The following SLC25A12 variants were observed in gnomAD, a reference collection of about 807,000 sequenced individuals.
The protein encoded by SLC25A12 is electrogenic aspartate/glutamate antiporter SLC25A12, mitochondrial.
SLC25A12 carries 32 observed loss-of-function variants against 83.3 expected under a neutral mutation model. The ratio of observed to expected loss-of-function variants is 0.38; its 90% CI spans 0.29 to 0.52. The LOEUF is 0.52. SLC25A12 is among the 20% of genes least tolerant of loss of function. SLC25A12 has a pLI of 0.84. For missense variants in SLC25A12, 611 were observed against 835.6 expected (o/e 0.73, Z 3.31); for synonymous variants, 267 against 291.1 (o/e 0.92, Z 0.84).
rs796788409 is a variant in SLC25A12, at chr2:171,824,316, A to C, written c.930+2482T>G. 2.6e-5 allele frequency among the ~76,000 whole-genome samples: 4 copies of C among 152,250 alleles called. No individual in the cohort carries two copies. In the East Asian group the frequency reaches 7.7e-4, roughly 29 times the overall value. On this transcript the variant is annotated intron_variant, in intron 9 of 17. Transcript: ENST00000422440. ...AAGGATGAAGAAATGTGAAGGATGC[A>C]GACTCAGGGTGCCAAAGATTGCAAA... is the stretch of plus-strand genomic sequence containing the variant.
chr2:171,809,924 G>A (rs1197419646), intron 12 of SLC25A12, among the ~76,000 whole-genome samples: 1 of 152,130 alleles, frequency 6.6e-6, no homozygotes, highest in East Asian at 1.9e-4. Flanking sequence ...GGAGTGCAGT[G>A]GCATGATCAT....
In SLC25A12 at chr2:171,828,339, TCA is replaced by T. The variant is rs1447097527; in HGVS notation, c.846-1459_846-1458del. Among the ~76,000 whole-genome samples the T allele has an allele frequency of 5.9e-5, 9 of 152,314 alleles. No individual in the cohort carries two copies. In the South Asian group the frequency reaches 1.7e-3, roughly 28 times the overall value. On this transcript the variant is annotated intron_variant, in intron 8 of 17. Transcript: ENST00000422440. ...CAGTGGCAGCTCTTCCAGAACAAAC[TCA>T]CAGATGTTTCAGTCAACTTAAGCCC...
intron 4 of SLC25A12, among the ~76,000 whole-genome samples, chr2:171,854,545 C>A (rs912897587): frequency 6.6e-6 from 1 of 151,634 alleles, no homozygotes; most frequent in East Asian, 1.9e-4. Flanking sequence ...CCAGTCTGGG[C>A]GACAGAGCAA....
At chr2:171,875,869 C>T (rs1297676137) in intron 2 of SLC25A12, among the ~76,000 whole-genome samples, 6 of 146,148 alleles carry the variant, frequency 4.1e-5, no homozygotes, top group Admixed American at 1.4e-4. Flanking sequence ...GCCAAGATTG[C>T]GCCACTGCAC....
intron 11 of SLC25A12, among the ~76,000 whole-genome samples, chr2:171,811,708 A>G (rs1683949033): frequency 1.3e-5 from 2 of 152,178 alleles, no homozygotes; most frequent in African/African-American, 2.4e-5. Context: ...ATCCTGAATA[A>G]AACCAACAAT....
intron 2 of SLC25A12, among the ~76,000 whole-genome samples, chr2:171,887,185 A>C (rs12692979): frequency 0.79 from 120,730 of 152,162 alleles, 48,463 homozygotes; most frequent in East Asian, 0.89. Flanking sequence ...AATAAATGTT[A>C]TTGTAAAAAC....
At chr2:171,890,786 A>G (rs1408012306) in intron 2 of SLC25A12, among the ~76,000 whole-genome samples, 2 of 152,010 alleles carry the variant, frequency 1.3e-5, no homozygotes, top group African/African-American at 2.4e-5. Flanking sequence ...CTCAGCCTAT[A>G]TTGTTATCTT....
intron 9 of SLC25A12, among the ~76,000 whole-genome samples, chr2:171,825,063 G>C (rs963919136): frequency 2.0e-5 from 3 of 151,742 alleles, no homozygotes; most frequent in Non-Finnish European, 4.4e-5. Context: ...CCTGCCTCAG[G>C]CTCCCAAATT....
chr2:171,847,679 C>T (rs184191803), intron 4 of SLC25A12, among the ~76,000 whole-genome samples: 5 of 152,208 alleles, frequency 3.3e-5, no homozygotes, highest in Admixed American at 6.5e-5. Context: ...AGCAAAATCA[C>T]GATATAGTAT....
intron 13 of SLC25A12, among the ~76,000 whole-genome samples, chr2:171,802,971 G>GTA (rs997021513): frequency 6.6e-6 from 1 of 152,030 alleles, no homozygotes; most frequent in African/African-American, 2.4e-5. Context: ...AAAAGTGTGT[G>GTA]TGTGTGTGTG....
chr2:171,862,633 C>T (rs1456231188), intron 3 of SLC25A12, among the ~76,000 whole-genome samples: 3 of 152,134 alleles, frequency 2.0e-5, no homozygotes, highest in Non-Finnish European at 2.9e-5. Context: ...CACTCCTAGA[C>T]CAATTTTTCT....
intron 8 of SLC25A12, among the ~76,000 whole-genome samples, chr2:171,833,158 G>A (rs1432926595): frequency 6.6e-6 from 1 of 152,112 alleles, no homozygotes; most frequent in Non-Finnish European, 1.5e-5. Flanking sequence ...AGATGATGAT[G>A]CCTGCCCTGG....
At chr2:171,810,820 C>T (rs987021998) in intron 11 of SLC25A12, among the ~76,000 whole-genome samples, 1 of 152,158 alleles carries the variant, frequency 6.6e-6, no homozygotes, top group African/African-American at 2.4e-5. Context: ...TAAAAGGAAG[C>T]CAAAACTGCA....
chr2:171,894,099 T>C, intron 1 of SLC25A12, 104 bp downstream of exon 1: 1 of 1,462,732 alleles, frequency 6.8e-7, no homozygotes, highest in South Asian at 1.2e-5. Context: ...ACAAGCTATC[T>C]AAGACCTAGA....
rs942747292 is a variant in SLC25A12, at chr2:171,837,538, T to C, written c.466-271A>G. 8.5e-5 allele frequency among the ~76,000 whole-genome samples: 13 copies of C among 152,364 alleles called. No homozygotes were observed. The South Asian group carries it at 1.2e-3, about 15-fold the overall frequency. On this transcript the variant is annotated intron_variant, in intron 5 of 17. Coordinates refer to ENST00000422440, the MANE Select transcript of SLC25A12 (RefSeq NM_003705.5). ...GGAAAAAATAACCCTTAGATTTTAC[T>C]TGACAAGTTTTCATTACTGAAAACA...
intron 13 of SLC25A12, among the ~76,000 whole-genome samples, chr2:171,807,191 T>C (rs949798601): frequency 1.3e-5 from 2 of 152,194 alleles, no homozygotes; most frequent in Admixed American, 1.3e-4. Flanking sequence ...AGAAAACGTT[T>C]GTGGTGAAGA....
In SLC25A12 at chr2:171,834,015, G is replaced by T; in HGVS notation, c.793C>A (p.Pro265Thr). The change falls in exon 8 of 18, where the codon CCA (proline) becomes ACA (threonine). Residue 265 changes from proline (P) to threonine (T), a missense_variant. Physicochemically the swap from Pro to Thr is conservative, Grantham distance 38. Transcript: ENST00000422440. ...QSAIRYGQVT[P>T]LEIDILYQLA... ...TGATATAGAATATCAATTTCTAGTG[G>T]TGTGACTTGTCCATAGCGTATGGCA... The T allele has an allele frequency of 2.5e-6, 4 of 1,610,466 alleles. No individual in the cohort carries two copies. Among genetic ancestry groups the T allele is most frequent in the Non-Finnish European group, 3.4e-6 (4 of 1,176,982 alleles).
chr2:171,864,087 C>T (rs1263591910), intron 3 of SLC25A12, among the ~76,000 whole-genome samples: 3 of 152,166 alleles, frequency 2.0e-5, no homozygotes, highest in African/African-American at 7.2e-5. Flanking sequence ...CAATAGCTAC[C>T]TAAATTGATT....
chr2:171,786,349 A>G (rs1690489108), intron 17 of SLC25A12, among the ~76,000 whole-genome samples: 1 of 143,212 alleles, frequency 7.0e-6, no homozygotes, highest in African/African-American at 2.6e-5. Context: ...GTACCACTGC[A>G]CTCCAGCCTG....
Sources: allele counts gnomAD v4.1 joint callset (sites outside exome capture counted in the v4.1 genomes callset), GRCh38; gene constraint gnomAD v4.1.1; transcripts MANE v1.5; gene names NCBI Gene and HGNC (gene_info 2026-07-23, HGNC 2026-07-21).